Variants in AHCYL2 observed in about 807,000 individuals in gnomAD.
AHCYL2 encodes adenosylhomocysteinase like 2, also known as S-adenosylhomocysteine hydrolase-like protein 2.
AHCYL2 carries 28 observed loss-of-function variants against 81.4 expected under a neutral mutation model. The observed-to-expected ratio is 0.34, with a 90% CI of 0.25 to 0.47. AHCYL2 has a LOEUF of 0.47. Ranked by LOEUF, AHCYL2 falls within the 20% of genes least tolerant of loss-of-function variation. The pLI is 1.00. For missense variants in AHCYL2, 551 were observed against 785.1 expected, an observed-to-expected ratio of 0.70 and a Z score of 3.56; for synonymous variants, 272 against 290.2, an observed-to-expected ratio of 0.94 and a Z score of 0.64.
At chr7:129,277,502 A>G (rs894757449) in intron 1 of AHCYL2, among the ~76,000 whole-genome samples, 2 of 151,852 alleles carry the variant, frequency 1.3e-5, no homozygotes, top group African/African-American at 4.8e-5. Flanking sequence ...CTGGTCTCGA[A>G]CTCCTGGGCT....
At chr7:129,367,274 A>G (rs968932592) in intron 1 of AHCYL2, among the ~76,000 whole-genome samples, 4 of 152,188 alleles carry the variant, frequency 2.6e-5, no homozygotes, top group Non-Finnish European at 5.9e-5. Flanking sequence ...TTCAATGGGA[A>G]TTAACACTGT....
rs758910641 is a variant in AHCYL2, at chr7:129,405,794, CAA to C, written c.1143-41_1143-40del. 3 of 1,569,876 alleles carry C rather than the reference CAA, an allele frequency of 1.9e-6. No homozygotes were observed. In the South Asian group the frequency reaches 3.6e-5, roughly 19 times the overall value. Reference sequence around the variant, plus strand: ...ATTCAATCTAACCTCAAGGGAGAAACAAGAGAAGATTTTTCTGATTTAATGTT... The same window carrying C: ...ATTCAATCTAACCTCAAGGGAGAAACGAGAAGATTTTTCTGATTTAATGTT... On this transcript the variant is annotated intron_variant, in intron 8 of 16. Coordinates refer to ENST00000325006, the MANE Select transcript of AHCYL2 (RefSeq NM_015328.4).
intron 1 of AHCYL2, among the ~76,000 whole-genome samples, chr7:129,347,910 C>T (rs1189995484): frequency 6.6e-6 from 1 of 152,148 alleles, no homozygotes; most frequent in Non-Finnish European, 1.5e-5. Context: ...ATAGATATTA[C>T]AGTACCAATC....
intron 1 of AHCYL2, among the ~76,000 whole-genome samples, chr7:129,249,394 C>G (rs1228234515): frequency 6.6e-6 from 1 of 152,058 alleles, no homozygotes; most frequent in Non-Finnish European, 1.5e-5. Flanking sequence ...TTCATTGCCT[C>G]TAACAAAAAC....
chr7:129,330,510 G>A (rs1017621586), intron 1 of AHCYL2, among the ~76,000 whole-genome samples: 9 of 141,312 alleles, frequency 6.4e-5, no homozygotes, highest in South Asian at 2.2e-4. Context: ...TCACTCTGTC[G>A]TCCAGGCTGG....
chr7:129,318,888 C>CA (rs575720913), intron 1 of AHCYL2, among the ~76,000 whole-genome samples: 13 of 151,540 alleles, frequency 8.6e-5, no homozygotes, highest in Non-Finnish European at 1.3e-4. Flanking sequence ...GTACACCCAT[C>CA]ACCTGAGCCA....
In AHCYL2 at chr7:129,292,967, A is replaced by G. The variant is rs59962443; in HGVS notation, c.363+67528A>G. 7.3e-3 allele frequency among the ~76,000 whole-genome samples: 1,115 copies of G among 152,258 alleles called. 16 individuals are homozygous for G. Among genetic ancestry groups the G allele is most frequent in the African/African-American group, 0.022 (907 of 41,560 alleles). On this transcript the variant is annotated intron_variant, in intron 1 of 16. Coordinates refer to ENST00000325006, the MANE Select transcript of AHCYL2 (RefSeq NM_015328.4). ...AGTAAAGAATAAAAGCATATTGCTTACCCACTTTTAAAATTATTTATTTAT... is the reference window on the plus strand; with the variant it reads ...AGTAAAGAATAAAAGCATATTGCTTGCCCACTTTTAAAATTATTTATTTAT...
At chr7:129,397,410 T>A (rs776668885) in intron 5 of AHCYL2, 86 bp downstream of exon 5, 89 of 1,314,934 alleles carry the variant, frequency 6.8e-5, no homozygotes, top group Non-Finnish European at 9.3e-5. Flanking sequence ...TTAAAGAAGG[T>A]TGACAATAAA....
At chr7:129,386,350 C>G (rs1795202465) in intron 2 of AHCYL2, among the ~76,000 whole-genome samples, 1 of 151,934 alleles carries the variant, frequency 6.6e-6, no homozygotes, top group Non-Finnish European at 1.5e-5. Flanking sequence ...GTAATCCCAG[C>G]TACTAAGGAG....
At chr7:129,295,220 C>G (rs554258782) in intron 1 of AHCYL2, among the ~76,000 whole-genome samples, 28 of 152,332 alleles carry the variant, frequency 1.8e-4, no homozygotes, top group African/African-American at 6.3e-4. Flanking sequence ...TCTCTCTTCT[C>G]TCCGGGGAAT....
chr7:129,353,889 A>C (rs1202992473), intron 1 of AHCYL2, among the ~76,000 whole-genome samples: 1 of 151,934 alleles, frequency 6.6e-6, no homozygotes, highest in Non-Finnish European at 1.5e-5. Context: ...GATATTTTGG[A>C]GATCAAAGGA....
In AHCYL2 at chr7:129,405,722, T is replaced by C; in HGVS notation, c.1143-114T>C. The C allele has an allele frequency of 5.4e-6, 5 of 933,766 alleles. No homozygotes were observed. In the Admixed American group the frequency reaches 8.5e-5, roughly 16 times the overall value. The allele number at this position is 933,766 out of a possible 1,614,324, so 57.8% of individuals were successfully genotyped here. A position where few individuals can be genotyped will look rare whatever the true frequency, so the allele number is the denominator to read the frequency against. ...TTAAAAAAATAAAGAAACCAGACTT[T>C]CTTTCAAAATGAAAAACCAACCAAA... On this transcript the variant is annotated intron_variant, in intron 8 of 16. Coordinates refer to ENST00000325006, the MANE Select transcript of AHCYL2 (RefSeq NM_015328.4).
Position 129,424,869 on chromosome 7 carries a change from A to G in AHCYL2, c.1561-5A>G, listed in dbSNP as rs574336046. ...TCCATTTGTGTCTTCACCTTTGATC[A>G]CTAGGGCCGCCTGCTGAACCTTAGC... On this transcript the variant is annotated splice_polypyrimidine_tract_variant and splice_region_variant and intron_variant, in intron 13 of 16. Transcript: ENST00000325006. 10 of 1,612,604 alleles carry G rather than the reference A, an allele frequency of 6.2e-6. No homozygotes were observed. The East Asian group carries it at 2.0e-4, about 32-fold the overall frequency.
At chr7:129,268,125 A>T (rs1277267504) in intron 1 of AHCYL2, among the ~76,000 whole-genome samples, 2 of 152,212 alleles carry the variant, frequency 1.3e-5, no homozygotes, top group African/African-American at 4.8e-5. Flanking sequence ...TTAGTAATTT[A>T]GTAAATTTAA....
intron 1 of AHCYL2, among the ~76,000 whole-genome samples, chr7:129,269,716 G>A (rs1451871630): frequency 1.3e-5 from 2 of 152,010 alleles, no homozygotes; most frequent in African/African-American, 4.8e-5. Context: ...CACCATATCC[G>A]GCCCTAAATG....
intron 1 of AHCYL2, among the ~76,000 whole-genome samples, chr7:129,370,004 CAAG>C (rs1794304559): frequency 6.6e-6 from 1 of 151,984 alleles, no homozygotes; most frequent in Non-Finnish European, 1.5e-5. Context: ...TCACTAATAA[CAAG>C]AAGAGGGAAA....
chr7:129,239,238 G>A (rs1250318232), intron 1 of AHCYL2, among the ~76,000 whole-genome samples: 1 of 152,114 alleles, frequency 6.6e-6, no homozygotes, highest in East Asian at 1.9e-4. Context: ...TTAGATCCTT[G>A]CTATTCAAAC....
chr7:129,225,864 G>A (rs1250382321), intron 1 of AHCYL2, among the ~76,000 whole-genome samples: 1 of 152,204 alleles, frequency 6.6e-6, no homozygotes, highest in East Asian at 1.9e-4. Context: ...CTTGGAGAAC[G>A]AGTAAGGTGT....
intron 1 of AHCYL2, among the ~76,000 whole-genome samples, chr7:129,280,471 A>G (rs1796395213): frequency 6.6e-6 from 1 of 152,044 alleles, no homozygotes; most frequent in South Asian, 2.1e-4. Context: ...GCTCGGCCCT[A>G]AATTTGCTAA....
Sources: allele counts gnomAD v4.1 joint callset (sites outside exome capture counted in the v4.1 genomes callset), GRCh38; gene constraint gnomAD v4.1.1; transcripts MANE v1.5; gene names NCBI Gene and HGNC (gene_info 2026-07-23, HGNC 2026-07-21).